The following IQCB1 variants were observed in gnomAD, a reference collection of about 807,000 sequenced individuals.
IQCB1 encodes IQ calmodulin-binding motif-containing protein 1.
In IQCB1, 56 loss-of-function variants were observed where a neutral mutation model predicts 84.4. The observed-to-expected ratio is 0.66, with a 90% CI of 0.54 to 0.83. The LOEUF is 0.83. Among genes scored for constraint, IQCB1 ranks in the 40% least tolerant of loss-of-function variants. The pLI, the probability that IQCB1 is intolerant of heterozygous loss-of-function variation, is 0.00. For missense variants in IQCB1, 629 were observed against 682.1 expected (o/e 0.92, Z 0.87); for synonymous variants, 210 against 234.8 (o/e 0.89, Z 0.96).
At chr3:121,795,963 T>C (rs1354423135) in intron 9 of IQCB1, among the ~76,000 whole-genome samples, 2 of 152,186 alleles carry the variant, frequency 1.3e-5, no homozygotes, top group Non-Finnish European at 2.9e-5. Context: ...TGTTTAGTTC[T>C]GTAAGCTTTT....
chr3:121,819,467 G>A (rs1467767881), intron 5 of IQCB1, among the ~76,000 whole-genome samples: 1 of 152,162 alleles, frequency 6.6e-6, no homozygotes. Context: ...TTCCTCCTGT[G>A]TGGCTGGGTT....
intron 10 of IQCB1, among the ~76,000 whole-genome samples, chr3:121,791,288 C>G (rs989791168): frequency 2.0e-5 from 3 of 152,048 alleles, no homozygotes; most frequent in Admixed American, 6.5e-5. Flanking sequence ...AATAGTCAGA[C>G]TTCATTATAG....
At chr3:121,782,475 C>T (rs529645794) in intron 12 of IQCB1, among the ~76,000 whole-genome samples, 1 of 152,346 alleles carries the variant, frequency 6.6e-6, no homozygotes, top group South Asian at 2.1e-4. Context: ...GCCCACAGGC[C>T]AAATCCAGCC....
At chr3:121,824,690 A>G (rs1252671414) in intron 5 of IQCB1, among the ~76,000 whole-genome samples, 2 of 152,138 alleles carry the variant, frequency 1.3e-5, no homozygotes, top group Non-Finnish European at 2.9e-5. Flanking sequence ...CTAAATGTGT[A>G]TGTATCTAAT....
chr3:121,798,299 A>G (rs1286949708), intron 8 of IQCB1, among the ~76,000 whole-genome samples: 1 of 151,902 alleles, frequency 6.6e-6, no homozygotes, highest in Non-Finnish European at 1.5e-5. Flanking sequence ...TAGGTATTAA[A>G]TGCATCATAT....
intron 14 of IQCB1, among the ~76,000 whole-genome samples, chr3:121,771,085 C>T (rs1947962949): frequency 6.6e-6 from 1 of 152,140 alleles, no homozygotes; most frequent in African/African-American, 2.4e-5. Flanking sequence ...AATTCTCCTA[C>T]CTCAGCCTCC....
intron 12 of IQCB1, among the ~76,000 whole-genome samples, chr3:121,787,187 A>AT (rs1181298509): frequency 1.1e-5 from 1 of 87,014 alleles, no homozygotes; most frequent in Non-Finnish European, 2.4e-5. Context: ...TTTTTGGATG[A>AT]TTAAAAAAAA....
chr3:121,818,766 G>A (rs1362709615), intron 5 of IQCB1, among the ~76,000 whole-genome samples: 1 of 152,122 alleles, frequency 6.6e-6, no homozygotes, highest in Non-Finnish European at 1.5e-5. Context: ...CCACGAATAA[G>A]AACCAGAAAG....
chr3:121,770,444 C>T lies in IQCB1; in HGVS notation c.1698G>A (p.Lys566=). 3.1e-6 allele frequency: 5 copies of T among 1,614,240 alleles called. No individual in the cohort carries two copies. The highest frequency in any genetic ancestry group is 4.2e-6 in the Non-Finnish European group (5 of 1,180,028). Residue 566 remains lysine (K), a synonymous_variant, in exon 15 of 15, where the codon AAG becomes AAA. Transcript: ENST00000310864. ...CATCTCCAGATTCTTCTCCAAGCTT[C>T]TTCCACCAGGGTGCTTGTATGTGCT... is the stretch of plus-strand genomic sequence containing the variant. ...TLKHIQAPWW[K]KLGEESGDEI... is the part of the protein sequence containing the mutation.
chr3:121,824,543 T>C (rs546164379), intron 5 of IQCB1, among the ~76,000 whole-genome samples: 25 of 151,092 alleles, frequency 1.7e-4, no homozygotes, highest in African/African-American at 5.6e-4. Flanking sequence ...GTAAACAAAG[T>C]AGACTTCAAG....
intron 5 of IQCB1, among the ~76,000 whole-genome samples, chr3:121,810,565 A>G (rs910530289): frequency 1.1e-4 from 17 of 151,752 alleles, no homozygotes; most frequent in South Asian, 1.0e-3. Flanking sequence ...TGAAAGTAAT[A>G]TACAAATACA....
intron 7 of IQCB1, among the ~76,000 whole-genome samples, chr3:121,803,057 CTT>C (rs1316810217): frequency 6.6e-6 from 1 of 151,850 alleles, no homozygotes; most frequent in Non-Finnish European, 1.5e-5. Context: ...TTTTACGTTG[CTT>C]TTTTCTTTTT....
intron 5 of IQCB1, among the ~76,000 whole-genome samples, chr3:121,818,506 G>T (rs1950157358): frequency 6.6e-6 from 1 of 152,178 alleles, no homozygotes; most frequent in African/African-American, 2.4e-5. Flanking sequence ...ACCGGACTTA[G>T]GGCAGGGCCC....
intron 5 of IQCB1, among the ~76,000 whole-genome samples, chr3:121,820,904 A>C (rs980143712): frequency 1.4e-5 from 2 of 144,408 alleles, no homozygotes; most frequent in Admixed American, 1.5e-4. Context: ...TCTCTCCAGC[A>C]TACTCTTATG....
intron 5 of IQCB1, among the ~76,000 whole-genome samples, chr3:121,817,953 G>A (rs6771716): frequency 0.27 from 41,771 of 151,982 alleles, 6,256 homozygotes; most frequent in Admixed American, 0.43. Flanking sequence ...TGCAAGCCAG[G>A]AAGTGGGCCC....
chr3:121,785,962 A>G (rs1948691347), intron 12 of IQCB1, among the ~76,000 whole-genome samples: 2 of 150,646 alleles, frequency 1.3e-5, no homozygotes, highest in African/African-American at 2.5e-5. Context: ...TGAGCTCAGG[A>G]GTTGGAGACC....
chr3:121,770,388 A>G lies in IQCB1; in HGVS notation c.1754T>C (p.Ile585Thr). 1 of 1,614,056 alleles carries G rather than the reference A, an allele frequency of 6.2e-7. No individual in the cohort carries two copies. The highest frequency in any genetic ancestry group is 8.5e-7 in the Non-Finnish European group (1 of 1,179,902). ...EIDVPKDELS[I>T]ELENLFIGGT... ...ACCAATGAATAAATTTTCTAATTCT[A>G]TACTAAGCTCATCCTTTGGAACATC... The change falls in exon 15 of 15, where the codon ATA becomes ACA. Residue 585 changes from isoleucine (I) to threonine (T), a missense_variant. By Grantham distance (89) the Ile-to-Thr change is moderately conservative (BLOSUM62 -1). Coordinates refer to ENST00000310864, the MANE Select transcript of IQCB1 (RefSeq NM_001023570.4).
intron 12 of IQCB1, among the ~76,000 whole-genome samples, chr3:121,785,215 G>T (rs1004028752): frequency 1.3e-5 from 2 of 151,788 alleles, no homozygotes; most frequent in African/African-American, 4.8e-5. Flanking sequence ...CTTCCTGAGG[G>T]ACACACTCAT....
intron 5 of IQCB1, among the ~76,000 whole-genome samples, chr3:121,819,798 T>A (rs1241659970): frequency 6.6e-6 from 1 of 152,128 alleles, no homozygotes; most frequent in Non-Finnish European, 1.5e-5. Flanking sequence ...TAATGTTAAG[T>A]TTTCTAGTAG....
Sources: gnomAD v4.1 joint callset for allele counts (sites outside exome capture counted in the v4.1 genomes callset) on GRCh38, gnomAD v4.1.1 for gene constraint, MANE v1.5 for transcripts, NCBI Gene and HGNC (gene_info 2026-07-23, HGNC 2026-07-21) for gene names.